Variants in FMNL2 observed in about 807,000 individuals in gnomAD.
The protein encoded by FMNL2 is formin-like protein 2.
In FMNL2, 51 loss-of-function variants were observed where a neutral mutation model predicts 130.2. The observed-to-expected ratio is 0.39, with a 90% CI of 0.31 to 0.49. The LOEUF is 0.49. Among genes scored for constraint, FMNL2 ranks in the 20% least tolerant of loss-of-function variants. The pLI, the probability that FMNL2 is intolerant of heterozygous loss-of-function variation, is 0.85. For synonymous variants in FMNL2, 465 were observed against 467.1 expected (o/e 1.00, Z 0.06); for missense variants, 977 against 1,316.2 (o/e 0.74, Z 3.99).
intron 1 of FMNL2, among the ~76,000 whole-genome samples, chr2:152,498,009 A>T (rs895132679): frequency 1.3e-4 from 20 of 151,858 alleles, no homozygotes; most frequent in African/African-American, 4.8e-4. Context: ...GCTGCTTTGG[A>T]TTTTTCTAAT....
At chr2:152,621,268 A>C (rs1471573486) in intron 15 of FMNL2, among the ~76,000 whole-genome samples, 3 of 152,172 alleles carry the variant, frequency 2.0e-5, no homozygotes, top group African/African-American at 7.2e-5. Flanking sequence ...ACCCACTTCC[A>C]CGCACCTGAG....
At chr2:152,543,478 A>G (rs979070942) in intron 3 of FMNL2, among the ~76,000 whole-genome samples, 1 of 152,202 alleles carries the variant, frequency 6.6e-6, no homozygotes, top group Non-Finnish European at 1.5e-5. Flanking sequence ...TCCTTGCTCA[A>G]GATGGGTGAA....
intron 9 of FMNL2, among the ~76,000 whole-genome samples, chr2:152,584,002 T>C (rs1390147858): frequency 6.6e-6 from 1 of 152,212 alleles, no homozygotes; most frequent in Non-Finnish European, 1.5e-5. Flanking sequence ...TCAACCGATT[T>C]ATCCAATCTT....
intron 6 of FMNL2, among the ~76,000 whole-genome samples, chr2:152,565,354 G>A (rs1695777076): frequency 6.6e-6 from 1 of 152,150 alleles, no homozygotes; most frequent in Non-Finnish European, 1.5e-5. Context: ...AGGTGGAGGG[G>A]AAGTGAAAGA....
intron 1 of FMNL2, among the ~76,000 whole-genome samples, chr2:152,478,237 TATATATATATATA>T (rs1277864501): frequency 6.0e-4 from 25 of 41,878 alleles, no homozygotes; most frequent in African/African-American, 1.6e-3. Context: ...TACATATATA[TATATATATATATA>T]TTTTTTTTTT....
chr2:152,428,857 T>G (rs916025148), intron 1 of FMNL2, among the ~76,000 whole-genome samples: 1 of 152,188 alleles, frequency 6.6e-6, no homozygotes. Context: ...CAAGGTCTAG[T>G]CTAATGTCTG....
intron 25 of FMNL2, chr2:152,643,357 C>T: frequency 6.5e-7 from 1 of 1,533,998 alleles, no homozygotes; most frequent in Non-Finnish European, 8.7e-7. Flanking sequence ...TGTACTAATG[C>T]AATAGATCTT....
rs1367443596 is a variant in FMNL2 at position 152,401,974 on chromosome 2, CAGCTCACTGCAACCTCCGCCTCCCG to C, written c.117+66255_117+66279del. ...AGGCTGGAATGCAGTGGCGCGATCTCAGCTCACTGCAACCTCCGCCTCCCGGGCTCACATGCCATTCTCCTGCCTC... is the reference window on the plus strand; with the variant it reads ...AGGCTGGAATGCAGTGGCGCGATCTCGGCTCACATGCCATTCTCCTGCCTC... On this transcript the variant is annotated intron_variant, in intron 1 of 25. Transcript: ENST00000288670. Among the ~76,000 whole-genome samples, 4 of 136,978 alleles carry C rather than the reference CAGCTCACTGCAACCTCCGCCTCCCG, an allele frequency of 2.9e-5. No homozygotes were observed. In the East Asian group the frequency reaches 9.1e-4, roughly 31 times the overall value. The allele number at this position is 136,978 out of a possible 152,430, so 89.9% of individuals were successfully genotyped here. A position where few individuals can be genotyped will look rare whatever the true frequency, so the allele number is the denominator to read the frequency against.
chr2:152,532,162 A>G (rs1000696213), intron 2 of FMNL2, among the ~76,000 whole-genome samples: 1 of 152,198 alleles, frequency 6.6e-6, no homozygotes, highest in African/African-American at 2.4e-5. Context: ...ATTGACAAAG[A>G]TGAATATTTG....
At chr2:152,518,534 G>A (rs1349102981) in intron 1 of FMNL2, among the ~76,000 whole-genome samples, 1 of 152,040 alleles carries the variant, frequency 6.6e-6, no homozygotes, top group Non-Finnish European at 1.5e-5. Context: ...AGCTATCTCA[G>A]GCCTAAACAG....
intron 21 of FMNL2, among the ~76,000 whole-genome samples, chr2:152,636,157 C>T (rs1682588408): frequency 6.6e-6 from 1 of 152,176 alleles, no homozygotes; most frequent in African/African-American, 2.4e-5. Flanking sequence ...AGCAGTGTGA[C>T]CAAGGGCAGG....
chr2:152,568,220 T>A (rs1249606108), intron 6 of FMNL2, among the ~76,000 whole-genome samples: 3 of 124,584 alleles, frequency 2.4e-5, no homozygotes, highest in Non-Finnish European at 5.1e-5. Flanking sequence ...TTTGGTGGGT[T>A]TTTTTTTTTT....
intron 1 of FMNL2, among the ~76,000 whole-genome samples, chr2:152,400,006 C>A (rs948995102): frequency 4.6e-5 from 7 of 152,078 alleles, no homozygotes; most frequent in East Asian, 3.9e-4. Context: ...GCAGAGGAGT[C>A]GGCTTAGAAG....
intron 1 of FMNL2, among the ~76,000 whole-genome samples, chr2:152,443,346 C>A (rs1210713115): frequency 2.0e-5 from 3 of 152,064 alleles, no homozygotes; most frequent in Non-Finnish European, 4.4e-5. Flanking sequence ...TGGGAACCAT[C>A]AGTTTGGGAT....
At chr2:152,466,481 A>C (rs1689546574) in intron 1 of FMNL2, among the ~76,000 whole-genome samples, 1 of 152,134 alleles carries the variant, frequency 6.6e-6, no homozygotes, top group Non-Finnish European at 1.5e-5. Context: ...CCTTATCCCC[A>C]GTCATCATTG....
chr2:152,370,502 T>G (rs1431363966), intron 1 of FMNL2, among the ~76,000 whole-genome samples: 1 of 152,192 alleles, frequency 6.6e-6, no homozygotes, highest in Non-Finnish European at 1.5e-5. Context: ...TTATTACCAT[T>G]AGGAGGACTA....
At chr2:152,418,620 A>ATTTG (rs914158375) in intron 1 of FMNL2, among the ~76,000 whole-genome samples, 2 of 152,130 alleles carry the variant, frequency 1.3e-5, no homozygotes, top group Non-Finnish European at 2.9e-5. Context: ...TTGTTGTAGC[A>ATTTG]TTTGTCAGAA....
At position 152,478,250 on chromosome 2, in the gene FMNL2, ATTTT is replaced by A. The variant is rs869219736; in HGVS notation, c.118-43678_118-43675del. Among the ~76,000 whole-genome samples the A allele has an allele frequency of 4.2e-3, 384 of 92,080 alleles. 6 individuals carry two copies. Among genetic ancestry groups the A allele is most frequent in the East Asian group, 0.033 (90 of 2,718 alleles). 60.4% of individuals were successfully genotyped at this position (92,080 alleles called of 152,430 possible). On this transcript the variant is annotated intron_variant, in intron 1 of 25. Coordinates refer to ENST00000288670, the MANE Select transcript of FMNL2 (RefSeq NM_052905.4). ...TATACATATATATATATATATATAT[ATTTT>A]TTTTTTTTTTTTTTGAGACAGAGTC...
intron 9 of FMNL2, among the ~76,000 whole-genome samples, chr2:152,593,890 TGTGTGTGTGTGTGA>T (rs1442026820): frequency 4.2e-4 from 47 of 112,526 alleles, no homozygotes; most frequent in African/African-American, 5.7e-4. Flanking sequence ...TGTGTGTGTG[TGTGTGTGTGTGTGA>T]GAGAGAGAGA....
Sources: gnomAD v4.1 joint callset for allele counts (sites outside exome capture counted in the v4.1 genomes callset) on GRCh38, gnomAD v4.1.1 for gene constraint, MANE v1.5 for transcripts, NCBI Gene and HGNC (gene_info 2026-07-23, HGNC 2026-07-21) for gene names.